Variants in DENND1A observed in about 807,000 individuals in gnomAD.
DENND1A encodes the protein DENN domain containing 1A.
A neutral mutation model predicts 113.7 loss-of-function variants in DENND1A; 51 were observed. The ratio of observed to expected loss-of-function variants is 0.45; its 90% confidence interval spans 0.36 to 0.57. The LOEUF is 0.57. Among genes scored for constraint, DENND1A ranks in the 20% least tolerant of loss-of-function variants. DENND1A has a pLI of 0.00. For synonymous variants in DENND1A, 565 were observed against 570.8 expected (o/e 0.99, Z 0.14); for missense variants, 1,258 against 1,395.9 (o/e 0.90, Z 1.57).
intron 1 of DENND1A, among the ~76,000 whole-genome samples, chr9:123,901,851 A>C (rs1851683831): frequency 6.6e-6 from 1 of 152,002 alleles, no homozygotes; most frequent in Non-Finnish European, 1.5e-5. Flanking sequence ...AAAAATACAA[A>C]AAAAATTAGC....
At chr9:123,542,753 G>A (rs1438014443) in intron 13 of DENND1A, among the ~76,000 whole-genome samples, 1 of 152,086 alleles carries the variant, frequency 6.6e-6, no homozygotes, top group Non-Finnish European at 1.5e-5. Flanking sequence ...AGCACCCACT[G>A]CACAGACCCG....
At chr9:123,761,842 T>A (rs2071070821) in intron 4 of DENND1A, among the ~76,000 whole-genome samples, 1 of 152,168 alleles carries the variant, frequency 6.6e-6, no homozygotes, top group South Asian at 2.1e-4. Context: ...TATGGGAGTG[T>A]TCACTATTTC....
intron 5 of DENND1A, among the ~76,000 whole-genome samples, chr9:123,694,219 G>T (rs548392466): frequency 5.3e-5 from 8 of 152,150 alleles, no homozygotes; most frequent in East Asian, 3.9e-4. Flanking sequence ...TGTATGCTGG[G>T]GTTGAGAACC....
At chr9:123,450,288 A>G (rs369621374) in intron 18 of DENND1A, among the ~76,000 whole-genome samples, 230 of 152,320 alleles carry the variant, frequency 1.5e-3, no homozygotes, top group Middle Eastern at 6.8e-3. Context: ...ATGCTGGACC[A>G]TGGCAATCAT....
At chr9:123,682,769 T>A (rs933812186) in intron 5 of DENND1A, among the ~76,000 whole-genome samples, 2 of 152,156 alleles carry the variant, frequency 1.3e-5, no homozygotes, top group African/African-American at 4.8e-5. Flanking sequence ...CCTGCTAATG[T>A]ACCTGATGGA....
At chr9:123,911,668 T>C (rs1853990203) in intron 1 of DENND1A, among the ~76,000 whole-genome samples, 1 of 151,884 alleles carries the variant, frequency 6.6e-6, no homozygotes, top group Non-Finnish European at 1.5e-5. Flanking sequence ...ATTGCTACAG[T>C]GACAGAAATC....
Position 123,652,003 on chromosome 9 carries a change from G to C in DENND1A, c.618+10C>G, listed in dbSNP as rs1320769377. On this transcript the variant is annotated intron_variant, in intron 9 of 23. Coordinates refer to ENST00000394215, the MANE Select transcript of DENND1A (RefSeq NM_001352964.2). ...TCATTAAAAAGCCAGTCTTAAGACT[G>C]TCTACTCACAGTGCTGAGTTTGCTG... 3.1e-6 allele frequency: 5 copies of C among 1,611,530 alleles called. No individual in the cohort carries two copies. Among genetic ancestry groups the C allele is most frequent in the Non-Finnish European group, 4.2e-6 (5 of 1,178,056 alleles).
chr9:123,876,765 C>T (rs925713392), intron 2 of DENND1A, among the ~76,000 whole-genome samples: 4 of 152,256 alleles, frequency 2.6e-5, no homozygotes, highest in Admixed American at 2.6e-4. Flanking sequence ...AAAAAGATAA[C>T]TGCATTCATA....
chr9:123,437,970 A>G (rs576517487), intron 19 of DENND1A: 1 of 152,346 alleles, frequency 6.6e-6, no homozygotes, highest in African/African-American at 2.4e-5. Flanking sequence ...AATTTTACCA[A>G]TGGCATCTCT....
chr9:123,855,819 C>T (rs1185522139), intron 2 of DENND1A, among the ~76,000 whole-genome samples: 1 of 152,116 alleles, frequency 6.6e-6, no homozygotes, highest in African/African-American at 2.4e-5. Flanking sequence ...AGGCGGATCA[C>T]CTGAGGTCGG....
At chr9:123,542,331 C>T (rs137857433) in intron 13 of DENND1A, among the ~76,000 whole-genome samples, 105 of 152,328 alleles carry the variant, frequency 6.9e-4, no homozygotes, top group Admixed American at 2.0e-3. Context: ...GGTATAGTAA[C>T]TTGTGTAGAG....
intron 12 of DENND1A, among the ~76,000 whole-genome samples, chr9:123,564,980 C>CTTTTTTTTTTTTTTT (rs199613371): frequency 1.3e-5 from 1 of 75,746 alleles, no homozygotes; most frequent in Non-Finnish European, 2.5e-5. Flanking sequence ...TCTGTCCCTT[C>CTTTTTTTTTTTTTTT]TTTTTTTTTT....
chr9:123,843,293 C>G, intron 2 of DENND1A: 1 of 414,312 alleles, frequency 2.4e-6, no homozygotes, highest in South Asian at 2.0e-5. Context: ...CTGTATCTAC[C>G]TTCTTTTGTC....
intron 10 of DENND1A, among the ~76,000 whole-genome samples, chr9:123,615,828 G>A (rs1056263502): frequency 6.6e-6 from 1 of 152,210 alleles, no homozygotes; most frequent in African/African-American, 2.4e-5. Context: ...GGGTAAAACA[G>A]TCGAGCTATT....
chr9:123,674,340 TCTCACACACACACACACACA>T (rs1259855196), intron 6 of DENND1A, among the ~76,000 whole-genome samples: 7 of 127,738 alleles, frequency 5.5e-5, no homozygotes, highest in African/African-American at 2.2e-4. Context: ...TCTGTCTCTC[TCTCACACACACACACACACA>T]CACACACACA....
chr9:123,394,165 T>A (rs1273057512), intron 21 of DENND1A, among the ~76,000 whole-genome samples: 1 of 151,082 alleles, frequency 6.6e-6, no homozygotes, highest in East Asian at 1.9e-4. Flanking sequence ...CTATTTTTTT[T>A]ATTTTTTATT....
At chr9:123,527,102 T>C (rs1281475903) in intron 13 of DENND1A, among the ~76,000 whole-genome samples, 1 of 152,176 alleles carries the variant, frequency 6.6e-6, no homozygotes, top group Non-Finnish European at 1.5e-5. Context: ...TTTCTCTCTC[T>C]TTTCTATTCA....
chr9:123,647,683 C>T (rs1391600383), intron 9 of DENND1A, among the ~76,000 whole-genome samples: 1 of 152,174 alleles, frequency 6.6e-6, no homozygotes, highest in Non-Finnish European at 1.5e-5. Context: ...CCTTGTGCAA[C>T]CCAGTTCCTC....
In DENND1A at chr9:123,508,610, A is replaced by G. The variant is rs2053176261; in HGVS notation, c.993+48960T>C. Among the ~76,000 whole-genome samples, 8 of 152,242 alleles carry G rather than the reference A, an allele frequency of 5.3e-5. No homozygotes were observed. The South Asian group carries it at 1.7e-3, about 32-fold the overall frequency. ...TGTAATTCGCTAATTGCACATCTTC[A>G]GTGAGGAAAAATGCTTGTTTTAAAA... On this transcript the variant is annotated intron_variant, in intron 13 of 23. Coordinates refer to ENST00000394215, the MANE Select transcript of DENND1A (RefSeq NM_001352964.2).
Sources: allele counts gnomAD v4.1 joint callset (sites outside exome capture counted in the v4.1 genomes callset), GRCh38; gene constraint gnomAD v4.1.1; transcripts MANE v1.5; gene names NCBI Gene and HGNC (gene_info 2026-07-23, HGNC 2026-07-21).